MYH11: variants seen among roughly 807,000 people sequenced by gnomAD.
The protein encoded by MYH11 is myosin-11.
Under a neutral mutation model 246.6 loss-of-function variants are expected in MYH11, and 80 were observed. The observed-to-expected ratio is 0.32, with a 90% CI of 0.27 to 0.39. MYH11 has a LOEUF of 0.39. Ranked by LOEUF, MYH11 falls within the 10% of genes least tolerant of loss-of-function variation. The pLI is 1.00. For synonymous variants in MYH11, 1,071 were observed against 1,015.5 expected (o/e 1.05, Z -1.04); for missense variants, 2,158 against 2,546.8 (o/e 0.85, Z 3.29).
intron 3 of MYH11, among the ~76,000 whole-genome samples, chr16:15,814,684 G>T (rs1428314177): frequency 6.6e-6 from 1 of 150,818 alleles, no homozygotes; most frequent in Non-Finnish European, 1.5e-5. Flanking sequence ...TCAGAAACTG[G>T]CAATGCCAGG....
chr16:15,738,505 C>T (rs2041185689), intron 24 of MYH11, 60 bp downstream of exon 24: 2 of 1,500,832 alleles, frequency 1.3e-6, no homozygotes, highest in Non-Finnish European at 1.8e-6. Flanking sequence ...AGAGCAAGAC[C>T]TCATCTCTAA....
chr16:15,734,116 G>C (rs921400313), intron 26 of MYH11, among the ~76,000 whole-genome samples: 1 of 152,138 alleles, frequency 6.6e-6, no homozygotes, highest in Non-Finnish European at 1.5e-5. Flanking sequence ...GTTATTGTTT[G>C]TTCATTTGAA....
intron 37 of MYH11, chr16:15,717,637 A>G (rs1272808999): frequency 3.6e-5 from 19 of 530,298 alleles, no homozygotes; most frequent in Non-Finnish European, 6.4e-5. Flanking sequence ...TCTATTAAAA[A>G]TACAAAAATT....
At chr16:15,758,035 C>G (rs367722229) in intron 12 of MYH11, 35 bp from the exon 13 acceptor site, 1 of 1,612,450 alleles carries the variant, frequency 6.2e-7, no homozygotes, top group Non-Finnish European at 8.5e-7. Flanking sequence ...GCGTGAGCAT[C>G]TTGGTATGAA....
chr16:15,722,254 G>C (rs116345628), intron 31 of MYH11, among the ~76,000 whole-genome samples: 5,723 of 152,258 alleles, frequency 0.038, 163 homozygotes, highest in South Asian at 0.068. Context: ...CTAGTTATTA[G>C]TTTGTTTCAT....
chr16:15,783,676 T>G (rs1245678089), intron 5 of MYH11: 1 of 152,180 alleles, frequency 6.6e-6, no homozygotes. Flanking sequence ...TTTGTTCACA[T>G]AAACTTGGGG....
intron 37 of MYH11, chr16:15,717,573 T>A: frequency 1.7e-6 from 1 of 596,930 alleles, no homozygotes; most frequent in Non-Finnish European, 3.0e-6. Context: ...GGCAGGTAAA[T>A]CACTTGAGCT....
intron 26 of MYH11, among the ~76,000 whole-genome samples, chr16:15,734,303 G>GT (rs112515704): frequency 0.32 from 48,313 of 150,924 alleles, 8,084 homozygotes; most frequent in East Asian, 0.41. Flanking sequence ...TTTGTTTTTT[G>GT]TTTTTTTTTG....
intron 40 of MYH11, chr16:15,714,450 G>A (rs551943578): frequency 4.9e-6 from 1 of 204,490 alleles, no homozygotes; most frequent in Non-Finnish European, 1.0e-5. Flanking sequence ...GATGGGGAAT[G>A]TCGGACAGCC....
At position 15,708,700 on chromosome 16, in the gene MYH11, A is replaced by G. The variant is rs531535087; in HGVS notation, c.5787-4577T>C. On this transcript the variant is annotated intron_variant, in intron 40 of 40. Transcript: ENST00000300036. ...CCAGATTTTGCAAGAATCTCGTGGA[A>G]ATGTGCAAGGGTTTAAAAATTGGGG... 1.8e-5 allele frequency: 23 copies of G among 1,252,972 alleles called. No individual in the cohort carries two copies. The South Asian group carries it at 2.9e-4, about 16-fold the overall frequency. The allele number at this position is 1,252,972 out of a possible 1,614,324, so 77.6% of individuals were successfully genotyped here. A position where few individuals can be genotyped will look rare whatever the true frequency, so the allele number is the denominator to read the frequency against.
In MYH11 at chr16:15,847,765, G is replaced by C. The variant is rs114442630; in HGVS notation, c.-18+9176C>G. Among the ~76,000 whole-genome samples the C allele has an allele frequency of 8.9e-3, 1,356 of 152,262 alleles. 16 individuals are homozygous for C. The highest frequency in any genetic ancestry group is 0.03 in the African/African-American group (1,248 of 41,544). On this transcript the variant is annotated intron_variant, in intron 1 of 40. Transcript: ENST00000300036. Reference sequence around the variant, plus strand: ...GCTTGGAGCAGGCTGGATTCCCTCTGGCTTTGATGTCTCTGACAGTTACGA... The same window carrying C: ...GCTTGGAGCAGGCTGGATTCCCTCTCGCTTTGATGTCTCTGACAGTTACGA...
intron 14 of MYH11, among the ~76,000 whole-genome samples, chr16:15,754,186 C>T (rs1281988460): frequency 6.6e-6 from 1 of 152,114 alleles, no homozygotes; most frequent in Non-Finnish European, 1.5e-5. Flanking sequence ...CACTGAACTC[C>T]AGCCTGGGTG....
At chr16:15,788,207 A>G (rs2042523455) in intron 4 of MYH11, among the ~76,000 whole-genome samples, 1 of 151,204 alleles carries the variant, frequency 6.6e-6, no homozygotes, top group Non-Finnish European at 1.5e-5. Flanking sequence ...AGTGAAAGAT[A>G]AGGACAGTGC....
chr16:15,721,657 G>A (rs758890509), intron 31 of MYH11, 23 bp from the exon 32 acceptor site: 1 of 1,613,188 alleles, frequency 6.2e-7, no homozygotes, highest in South Asian at 1.1e-5. Flanking sequence ...ACCCAGAGGT[G>A]ACTTCTAGGC....
chr16:15,797,290 G>A (rs2042762964), intron 4 of MYH11, among the ~76,000 whole-genome samples: 1 of 152,024 alleles, frequency 6.6e-6, no homozygotes, highest in African/African-American at 2.4e-5. Context: ...TGTCCTTCCA[G>A]ATAATTTCAT....
In MYH11 at chr16:15,738,471, C is replaced by T. The variant is rs2087668791; in HGVS notation, c.3121+94G>A. On this transcript the variant is annotated intron_variant, in intron 24 of 40. Transcript: ENST00000300036. The stretch of plus-strand genomic sequence containing the variant: ...CGGGCTGCAGTGAGCCATGATCGCA[C>T]CACTGCACTGCAGCCTGGGCAACAG... The T allele has an allele frequency of 2.4e-6, 3 of 1,233,664 alleles. No homozygotes were observed. The African/African-American group carries it at 4.6e-5, about 19-fold the overall frequency. 76.4% of individuals were successfully genotyped at this position (1,233,664 alleles called of 1,614,324 possible).
At chr16:15,716,919 A>G (rs181345816) in intron 38 of MYH11, among the ~76,000 whole-genome samples, 8 of 152,312 alleles carry the variant, frequency 5.3e-5, no homozygotes, top group African/African-American at 7.2e-5. Context: ...TGGAGATGCT[A>G]AGAGCAGCTC....
At position 15,763,816 on chromosome 16, in the gene MYH11, G is replaced by A. The variant is rs200447515; in HGVS notation, c.1109C>T (p.Ala370Val). Residue 370 changes from alanine to valine, a missense_variant, in exon 10 of 41, where the codon GCG (alanine) becomes GTG (valine). Physicochemically the swap from Ala to Val is moderately conservative, Grantham distance 64 (BLOSUM62 0). Coordinates refer to ENST00000300036, the MANE Select transcript of MYH11 (RefSeq NM_002474.3). Reference sequence around the variant, plus strand: ...AGTACCTGTGTTATCTGGCATGGACGCCTGGTCTGTGTTTCTTTCCTTCTT... The same window carrying A: ...AGTACCTGTGTTATCTGGCATGGACACCTGGTCTGTGTTTCTTTCCTTCTT... ...VFKKERNTDQ[A>V]SMPDNTAAQK... 4.4e-6 allele frequency: 7 copies of A among 1,592,160 alleles called. No individual in the cohort carries two copies. The highest frequency in any genetic ancestry group is 4.2e-5 in the African/African-American group (3 of 71,896).
intron 2 of MYH11, among the ~76,000 whole-genome samples, chr16:15,826,463 C>T (rs747138333): frequency 3.3e-5 from 5 of 151,922 alleles, no homozygotes; most frequent in Non-Finnish European, 7.4e-5. Context: ...GTGGCATTCA[C>T]CTGTAGTCCC....
Sources: allele counts gnomAD v4.1 joint callset (sites outside exome capture counted in the v4.1 genomes callset), GRCh38; gene constraint gnomAD v4.1.1; transcripts MANE v1.5; gene names NCBI Gene and HGNC (gene_info 2026-07-23, HGNC 2026-07-21).